Variants in DSE observed in about 807,000 individuals in gnomAD.
DSE encodes the protein dermatan sulfate epimerase.
In DSE, 36 loss-of-function variants were observed where a neutral mutation model predicts 84.4. That is an observed-to-expected ratio of 0.43 (90% CI 0.33 to 0.56). The LOEUF is 0.56. Among genes scored for constraint, DSE ranks in the 20% least tolerant of loss-of-function variants. The probability of loss-of-function intolerance (pLI) is 0.06; values close to 1 mark genes in which losing one functional copy is unlikely to be tolerated. For missense variants in DSE, 862 were observed against 1,169.6 expected (o/e 0.74, Z 3.84); for synonymous variants, 410 against 430.1 (o/e 0.95, Z 0.58).
At chr6:116,352,631 T>G (rs926179798) in intron 2 of DSE, among the ~76,000 whole-genome samples, 2 of 152,106 alleles carry the variant, frequency 1.3e-5, no homozygotes, top group Non-Finnish European at 2.9e-5. Flanking sequence ...ACAGGAACTT[T>G]GGGATGCTTT....
At chr6:116,332,169 G>A (rs1303946139) in intron 2 of DSE, among the ~76,000 whole-genome samples, 1 of 151,816 alleles carries the variant, frequency 6.6e-6, no homozygotes, top group African/African-American at 2.4e-5. Flanking sequence ...AATCATAATA[G>A]GATCAAAAAT....
At chr6:116,274,131 C>CT (rs1223468633) in intron 2 of DSE, among the ~76,000 whole-genome samples, 1 of 151,934 alleles carries the variant, frequency 6.6e-6, no homozygotes, top group African/African-American at 2.4e-5. Context: ...TGCCCGGCTG[C>CT]TTTTTCAAGT....
Position 116,342,515 on chromosome 6 carries a change from G to A in DSE, c.-53-56683G>A, listed in dbSNP as rs185734308. ...AGGCTGGTCTTAAACTCCTGACCTC[G>A]TAATCTACCCGCCTCAGCCTCCCAA... On this transcript the variant is annotated intron_variant, in intron 2 of 3. Coordinates refer to the DSE transcript ENST00000430252. Among the ~76,000 whole-genome samples, 604 of 152,160 alleles carry A rather than the reference G, an allele frequency of 4.0e-3. 5 individuals carry two copies. Among genetic ancestry groups the A allele is most frequent in the African/African-American group, 0.014 (570 of 41,524 alleles).
At chr6:116,256,504 A>C (rs1377390002) in intron 1 of DSE, 1 of 152,172 alleles carries the variant, frequency 6.6e-6, no homozygotes, top group Non-Finnish European at 1.5e-5. Flanking sequence ...TATGCAGTTC[A>C]TCTTTGACCA....
chr6:116,299,541 T>TACACAC (rs1562213511), intron 2 of DSE, among the ~76,000 whole-genome samples: 1 of 24,290 alleles, frequency 4.1e-5, no homozygotes, highest in African/African-American at 2.3e-4. Flanking sequence ...TATATATATA[T>TACACAC]ATATATATAT....
chr6:116,375,068 T>C (rs1236943420), intron 1 of DSE, among the ~76,000 whole-genome samples: 1 of 152,210 alleles, frequency 6.6e-6, no homozygotes, highest in Non-Finnish European at 1.5e-5. Flanking sequence ...CAAAATTCTT[T>C]ATACCTCAAG....
intron 2 of DSE, among the ~76,000 whole-genome samples, chr6:116,361,600 G>A (rs1778892430): frequency 6.6e-6 from 1 of 152,116 alleles, no homozygotes; most frequent in Non-Finnish European, 1.5e-5. Flanking sequence ...AGGTTGTAGT[G>A]AGCTATGATC....
intron 2 of DSE, among the ~76,000 whole-genome samples, chr6:116,404,134 T>C (rs552453923): frequency 1.3e-5 from 2 of 152,178 alleles, no homozygotes; most frequent in Non-Finnish European, 2.9e-5. Flanking sequence ...AGCCAAGCTC[T>C]TGGTAGATGG....
At chr6:116,434,516 G>A (rs1784037474) in intron 5 of DSE, among the ~76,000 whole-genome samples, 1 of 152,106 alleles carries the variant, frequency 6.6e-6, no homozygotes, top group African/African-American at 2.4e-5. Flanking sequence ...ACTTAATAGT[G>A]TAACCCATAA....
At position 116,436,813 on chromosome 6, in the gene DSE, A is replaced by G. The variant is rs1353085015; in HGVS notation, c.2345A>G (p.Asp782Gly). 7.4e-6 allele frequency: 12 copies of G among 1,614,052 alleles called. No homozygotes were observed. The highest frequency in any genetic ancestry group is 1.1e-5 in the South Asian group (1 of 91,084). ...KTAERLLRFSDKRQTEEAIDR... is the reference protein window; with the variant it reads ...KTAERLLRFSGKRQTEEAIDR... ...GCTGAACGCCTGCTGAGATTTTCAG[A>G]TAAGAGACAGACTGAGGAGGCCATT... is the stretch of plus-strand genomic sequence containing the variant. Residue 782 changes from aspartate to glycine, a missense_variant, in exon 6 of 6, where the codon GAT (aspartate) becomes GGT (glycine). Coordinates refer to ENST00000644252, the MANE Select transcript of DSE (RefSeq NM_013352.4).
At chr6:116,305,192 A>G (rs550335752) in intron 2 of DSE, among the ~76,000 whole-genome samples, 5 of 151,688 alleles carry the variant, frequency 3.3e-5, no homozygotes, top group African/African-American at 4.8e-5. Context: ...GGTCTCCCAC[A>G]TAAGTGTCCT....
chr6:116,422,535 T>C (rs923315898), intron 2 of DSE, among the ~76,000 whole-genome samples: 2 of 152,256 alleles, frequency 1.3e-5, no homozygotes, highest in African/African-American at 4.8e-5. Flanking sequence ...CTTTTGTTTG[T>C]AACGTTCTTG....
chr6:116,281,548 A>C (rs900263528), intron 2 of DSE, among the ~76,000 whole-genome samples: 1 of 152,196 alleles, frequency 6.6e-6, no homozygotes, highest in Admixed American at 6.5e-5. Context: ...TACAGCTTGA[A>C]TCTGTCTTTC....
intron 3 of DSE, 104 bp downstream of exon 3, chr6:116,426,931 T>G: frequency 6.9e-7 from 1 of 1,442,264 alleles, no homozygotes; most frequent in Non-Finnish European, 9.2e-7. Flanking sequence ...ATGTTCATAC[T>G]TGGATCCTAA....
chr6:116,294,061 T>G (rs1441181460), intron 2 of DSE, among the ~76,000 whole-genome samples: 1 of 152,030 alleles, frequency 6.6e-6, no homozygotes, highest in Non-Finnish European at 1.5e-5. Flanking sequence ...TCTCACTCTG[T>G]CACCCAGGCT....
intron 2 of DSE, among the ~76,000 whole-genome samples, chr6:116,321,159 T>C (rs1305273042): frequency 1.3e-5 from 2 of 152,108 alleles, no homozygotes; most frequent in African/African-American, 4.8e-5. Context: ...AACCTACTTA[T>C]TTATTTACTT....
intron 2 of DSE, among the ~76,000 whole-genome samples, chr6:116,273,202 T>A (rs1001219521): frequency 6.6e-6 from 1 of 152,244 alleles, no homozygotes; most frequent in African/African-American, 2.4e-5. Flanking sequence ...CTAAGACATA[T>A]AGGTGTTCAC....
chr6:116,377,702 C>G (rs564829966), intron 1 of DSE, among the ~76,000 whole-genome samples: 1 of 152,206 alleles, frequency 6.6e-6, no homozygotes, highest in Non-Finnish European at 1.5e-5. Flanking sequence ...TGATAAAAAT[C>G]AGTAGGTCAT....
At chr6:116,287,665 G>A (rs1042000783) in intron 2 of DSE, among the ~76,000 whole-genome samples, 2 of 152,054 alleles carry the variant, frequency 1.3e-5, no homozygotes, top group Non-Finnish European at 2.9e-5. Flanking sequence ...CCTCTGGGAA[G>A]GAGAGCATTT....
Sources: allele counts gnomAD v4.1 joint callset (sites outside exome capture counted in the v4.1 genomes callset), GRCh38; gene constraint gnomAD v4.1.1; transcripts MANE v1.5; gene names NCBI Gene and HGNC (gene_info 2026-07-23, HGNC 2026-07-21).